KLHDC4: variants seen among roughly 807,000 people sequenced by gnomAD.
KLHDC4 encodes kelch domain containing 4.
In KLHDC4, 90 loss-of-function variants were observed where a neutral mutation model predicts 62.4. The observed-to-expected ratio is 1.44, with a 90% CI of 1.22 to 1.72. KLHDC4 has a LOEUF of 1.72. KLHDC4 is among the 40% of genes most tolerant of loss of function. The pLI is 0.00. For synonymous variants in KLHDC4, 386 were observed against 284.4 expected (o/e 1.36, Z -3.59); for missense variants, 1,025 against 699.7 (o/e 1.47, Z -5.25).
intron 1 of KLHDC4, chr16:87,763,454 A>G (rs2046173291): frequency 6.6e-6 from 1 of 152,146 alleles, no homozygotes; most frequent in South Asian, 2.1e-4. Context: ...AAATACAAAA[A>G]TTAGCCGGCC....
intron 1 of KLHDC4, among the ~76,000 whole-genome samples, chr16:87,764,646 C>CCAAAAA (rs2046347584): frequency 4.7e-4 from 16 of 33,818 alleles, no homozygotes; most frequent in Non-Finnish European, 6.9e-4. Context: ...GAAACTCCTT[C>CCAAAAA]AAAAAAAAAA....
At chr16:87,718,116 A>C (rs2037366267) in intron 7 of KLHDC4, among the ~76,000 whole-genome samples, 1 of 152,158 alleles carries the variant, frequency 6.6e-6, no homozygotes, top group Non-Finnish European at 1.5e-5. Flanking sequence ...CTTTTCTTGA[A>C]GTGTTGTGAC....
At chr16:87,702,524 C>A (rs1287825614) in exon 1 of KLHDC4, 1 of 355,860 alleles carries the variant, frequency 2.8e-6, no homozygotes, top group Admixed American at 3.8e-5. Flanking sequence ...TGTCCGTGGC[C>A]TCCTCGGGGG....
At chr16:87,724,718 C>T (rs894713998) in intron 7 of KLHDC4, among the ~76,000 whole-genome samples, 1 of 152,204 alleles carries the variant, frequency 6.6e-6, no homozygotes, top group Non-Finnish European at 1.5e-5. Context: ...AACTCCCCAA[C>T]ATTTCCAGCA....
chr16:87,708,215 G>C (rs2035032069), intron 11 of KLHDC4, 135 bp downstream of exon 11: 1 of 642,252 alleles, frequency 1.6e-6, no homozygotes, highest in Non-Finnish European at 2.7e-6. Context: ...TCATTAGCAA[G>C]CTGCCCAAAT....
rs773451473 is a variant in KLHDC4 at position 87,734,322 on chromosome 16, C to T, written c.507-3678G>A. ...CTGCGCCACTGCACTCCAGTCTGGGCGATAGAGCAAGACTCCGTCTCAAGA... is the reference window on the plus strand; with the variant it reads ...CTGCGCCACTGCACTCCAGTCTGGGTGATAGAGCAAGACTCCGTCTCAAGA... On this transcript the variant is annotated intron_variant, in intron 5 of 11. Transcript: ENST00000270583. Among the ~76,000 whole-genome samples, 6 of 151,618 alleles carry T rather than the reference C, an allele frequency of 4.0e-5. No homozygotes were observed. The South Asian group carries it at 6.2e-4, about 16-fold the overall frequency.
At position 87,709,588 on chromosome 16, in the gene KLHDC4, C is replaced by T. The variant is rs142464429; in HGVS notation, c.1124G>A (p.Gly375Glu). 34 of 1,612,660 alleles carry T rather than the reference C, an allele frequency of 2.1e-5. No homozygotes were observed. The highest frequency in any genetic ancestry group is 2.7e-5 in the Non-Finnish European group (32 of 1,179,782). ...CTGCACAGGCCCCTGGGTGCCAGCT[C>T]CCCCACACGCCGGCCTGCTACCACC... ...PEGGSRPACG[G>E]AGTQGPVQLV... is the part of the protein sequence containing the mutation. The change falls in exon 10 of 12, where the codon GGA (glycine) becomes GAA (glutamate). Residue 375 changes from glycine (G) to glutamate (E), a missense_variant. Gly to Glu is a moderately conservative substitution (Grantham distance 98, BLOSUM62 -2). Transcript: ENST00000270583.
intron 7 of KLHDC4, among the ~76,000 whole-genome samples, chr16:87,716,707 G>C (rs552686717): frequency 3.3e-4 from 50 of 152,240 alleles, no homozygotes; most frequent in African/African-American, 1.2e-3. Context: ...GAGGGGGGTA[G>C]ACCATGAGGT....
chr16:87,716,076 C>T (rs1187035823), intron 7 of KLHDC4, among the ~76,000 whole-genome samples: 3 of 152,160 alleles, frequency 2.0e-5, no homozygotes, highest in South Asian at 4.1e-4. Flanking sequence ...ACTTCAGGTA[C>T]GCTCTATGTC....
chr16:87,718,821 G>C (rs540867555), intron 7 of KLHDC4, among the ~76,000 whole-genome samples: 2 of 151,310 alleles, frequency 1.3e-5, no homozygotes, highest in African/African-American at 4.9e-5. Context: ...GATGTGGGGA[G>C]TGCCTCTGCC....
chr16:87,718,834 G>A (rs937037347), intron 7 of KLHDC4, among the ~76,000 whole-genome samples: 2 of 151,106 alleles, frequency 1.3e-5, no homozygotes, highest in Non-Finnish European at 2.9e-5. Context: ...CCTCTGCCCC[G>A]CCGCCCCGTC....
chr16:87,725,673 C>T (rs2039236627), intron 7 of KLHDC4, among the ~76,000 whole-genome samples: 1 of 152,202 alleles, frequency 6.6e-6, no homozygotes, highest in African/African-American at 2.4e-5. Flanking sequence ...AACAGGAACA[C>T]TTGAGTTCCG....
chr16:87,717,128 C>T (rs574356818), intron 7 of KLHDC4, among the ~76,000 whole-genome samples: 3 of 151,194 alleles, frequency 2.0e-5, no homozygotes, highest in Non-Finnish European at 4.4e-5. Flanking sequence ...CTACTCCCAA[C>T]GCTGAGGTGG....
chr16:87,707,843 C>T lies in KLHDC4; in HGVS notation c.*234G>A. ...TTCAAGTCCAATTTATTTCACACAA[C>T]ACACAGGCTGCTGAGGGAATCCACC... On this transcript the variant is annotated 3_prime_UTR_variant, in exon 12 of 12. Transcript: ENST00000270583. The T allele has an allele frequency of 2.4e-6, 1 of 414,354 alleles. No homozygotes were observed. The highest frequency in any genetic ancestry group is 7.2e-5 in the East Asian group (1 of 13,888). 25.7% of individuals were successfully genotyped at this position (414,354 alleles called of 1,614,324 possible). A position where few individuals can be genotyped will look rare whatever the true frequency, so the allele number is the denominator to read the frequency against.
chr16:87,728,582 G>A (rs2039783034), intron 6 of KLHDC4, among the ~76,000 whole-genome samples: 1 of 152,320 alleles, frequency 6.6e-6, no homozygotes, highest in South Asian at 2.1e-4. Context: ...AAAGGAGGAA[G>A]GGGCTGTACA....
At chr16:87,720,318 A>G (rs1259960683) in intron 7 of KLHDC4, among the ~76,000 whole-genome samples, 1 of 152,194 alleles carries the variant, frequency 6.6e-6, no homozygotes, top group Non-Finnish European at 1.5e-5. Context: ...AGGCAGGGAT[A>G]GGGTGTCGGT....
chr16:87,717,618 G>C (rs1055412083), intron 7 of KLHDC4, among the ~76,000 whole-genome samples: 4 of 152,220 alleles, frequency 2.6e-5, no homozygotes, highest in African/African-American at 9.6e-5. Context: ...CAGTGATTGA[G>C]ACTAGTCTCT....
At chr16:87,752,014 C>T (rs562590904) in intron 4 of KLHDC4, among the ~76,000 whole-genome samples, 70 of 131,190 alleles carry the variant, frequency 5.3e-4, no homozygotes, top group African/African-American at 1.9e-3. Context: ...GGCATGAACC[C>T]GGGAGGCGGA....
At chr16:87,752,127 C>T (rs1346067662) in intron 4 of KLHDC4, among the ~76,000 whole-genome samples, 1 of 136,338 alleles carries the variant, frequency 7.3e-6, no homozygotes, top group African/African-American at 2.8e-5. Context: ...AGCCAAATGG[C>T]CAGGCACAGT....
Sources: allele counts gnomAD v4.1 joint callset (sites outside exome capture counted in the v4.1 genomes callset), GRCh38; gene constraint gnomAD v4.1.1; transcripts MANE v1.5; gene names NCBI Gene and HGNC (gene_info 2026-07-23, HGNC 2026-07-21).